Variants in CACNA1C observed in about 807,000 individuals in gnomAD.
CACNA1C encodes voltage-dependent L-type calcium channel subunit alpha-1C.
A neutral mutation model predicts 229.0 loss-of-function variants in CACNA1C; 30 were observed. The ratio of observed to expected loss-of-function variants is 0.13; its 90% CI spans 0.10 to 0.18. CACNA1C has a LOEUF of 0.18. Ranked by LOEUF, CACNA1C falls within the 10% of genes least tolerant of loss-of-function variation. The pLI, the probability that CACNA1C is intolerant of heterozygous loss-of-function variation, is 1.00. For missense variants in CACNA1C, 1,658 were observed against 2,845.0 expected (o/e 0.58, Z 9.49); for synonymous variants, 1,114 against 1,132.5 (o/e 0.98, Z 0.33).
At chr12:2,615,883 G>T (rs189241873) in intron 29 of CACNA1C, among the ~76,000 whole-genome samples, 10 of 152,344 alleles carry the variant, frequency 6.6e-5, no homozygotes, top group African/African-American at 2.4e-4. Context: ...CTCCTCCTCA[G>T]TGGAATGTGG....
intron 3 of CACNA1C, among the ~76,000 whole-genome samples, chr12:2,242,557 A>T (rs1182184767): frequency 2.6e-5 from 4 of 152,200 alleles, no homozygotes; most frequent in Non-Finnish European, 5.9e-5. Flanking sequence ...GACTCAAAAA[A>T]ATTTATTCTT....
chr12:2,489,024 T>C (rs1224338376), intron 6 of CACNA1C, among the ~76,000 whole-genome samples: 1 of 152,210 alleles, frequency 6.6e-6, no homozygotes, highest in Non-Finnish European at 1.5e-5. Context: ...GAAGACCAAA[T>C]ACTTGCAGGC....
intron 3 of CACNA1C, among the ~76,000 whole-genome samples, chr12:2,294,014 G>A (rs890573667): frequency 6.6e-6 from 1 of 152,086 alleles, no homozygotes; most frequent in Non-Finnish European, 1.5e-5. Context: ...CTAATAATAT[G>A]CACCAGCCAC....
At chr12:2,271,817 GC>G (rs2085136196) in intron 3 of CACNA1C, among the ~76,000 whole-genome samples, 1 of 151,996 alleles carries the variant, frequency 6.6e-6, no homozygotes, top group African/African-American at 2.4e-5. Flanking sequence ...GATTGCCTGG[GC>G]CCAGGAGTTT....
chr12:2,251,301 A>T (rs2075515906), intron 3 of CACNA1C, among the ~76,000 whole-genome samples: 1 of 152,186 alleles, frequency 6.6e-6, no homozygotes, highest in South Asian at 2.1e-4. Flanking sequence ...GATCGTGACC[A>T]TCATGAGGGC....
chr12:2,666,570 C>T lies in CACNA1C; in HGVS notation c.4527-116C>T, dbSNP rs1255171816. On this transcript the variant is annotated intron_variant, in intron 36 of 46. Coordinates refer to ENST00000399655, the MANE Select transcript of CACNA1C (RefSeq NM_000719.7). This position sits in a 1 kb window ranked among gnomAD's most constrained non-coding sequence, Gnocchi z 5.3. ...CTGAGTGTGACTAATAGGGCTACCA[C>T]ACTGTGCAGTGTTGCCCATATGAGT... is the stretch of plus-strand genomic sequence containing the variant. The T allele has an allele frequency of 6.0e-5, 38 of 630,846 alleles. No homozygotes were observed. The highest frequency in any genetic ancestry group is 3.6e-4 in the East Asian group (13 of 36,350). The allele number at this position is 630,846 out of a possible 1,614,324, so 39.1% of individuals were successfully genotyped here.
At position 2,504,749 on chromosome 12, in the gene CACNA1C, G is replaced by A. The variant is rs544134810; in HGVS notation, c.1114-93G>A. On this transcript the variant is annotated intron_variant, in intron 7 of 46. Transcript: ENST00000399655. The surrounding 1 kb of genome is among the most constrained non-coding windows in gnomAD (Gnocchi z 6.8). ...ACCTAGAGGGTCCCCGGATCCTGGC[G>A]CTGCGTGGGTCAGTGTCTCGGGAGC... is the stretch of plus-strand genomic sequence containing the variant. 68 of 831,038 alleles carry A rather than the reference G, an allele frequency of 8.2e-5. 1 individual carries two copies. The highest frequency in any genetic ancestry group is 5.8e-4 in the South Asian group (41 of 70,210). The allele number at this position is 831,038 out of a possible 1,614,324, so 51.5% of individuals were successfully genotyped here.
Position 2,691,088 on chromosome 12 carries a change from C to G in CACNA1C, c.6306C>G (p.Asp2102Glu). 4 of 1,612,424 alleles carry G rather than the reference C, an allele frequency of 2.5e-6. No homozygotes were observed. The South Asian group carries it at 3.3e-5, about 13-fold the overall frequency. The change falls in exon 47 of 47, where the codon GAC becomes GAG. Residue 2102 changes from aspartate to glutamate, a missense_variant. By Grantham distance (45) the Asp-to-Glu change is conservative. Coordinates refer to ENST00000399655, the MANE Select transcript of CACNA1C (RefSeq NM_000719.7). ...GALLPFVNCR[D>E]AGQDRAGGEE... ...TCTTACCCTTTGTGAACTGCAGGGA[C>G]GCGGGGCAGGACCGAGCCGGGGGCG...
intron 3 of CACNA1C, among the ~76,000 whole-genome samples, chr12:2,309,905 G>A (rs762734534): frequency 3.3e-5 from 5 of 152,160 alleles, no homozygotes; most frequent in Non-Finnish European, 5.9e-5. Context: ...CCGGGGAACT[G>A]CATGAGTTTC....
intron 4 of CACNA1C, among the ~76,000 whole-genome samples, chr12:2,454,165 T>C (rs1299752506): frequency 6.6e-6 from 1 of 152,184 alleles, no homozygotes; most frequent in Non-Finnish European, 1.5e-5. Context: ...TCACCCCTCC[T>C]TGTGCCTTGA....
At chr12:2,440,133 A>G (rs1423192899) in intron 3 of CACNA1C, among the ~76,000 whole-genome samples, 2 of 152,200 alleles carry the variant, frequency 1.3e-5, no homozygotes, top group Admixed American at 6.5e-5. Context: ...TAAAATATAT[A>G]TAACACAATT....
chr12:2,464,578 T>C (rs2099537443), intron 5 of CACNA1C, among the ~76,000 whole-genome samples: 1 of 152,272 alleles, frequency 6.6e-6, no homozygotes, highest in Non-Finnish European at 1.5e-5. Context: ...TTAATCCTGG[T>C]TAATGTGATT....
intron 3 of CACNA1C, among the ~76,000 whole-genome samples, chr12:2,248,506 G>A (rs1227636548): frequency 6.6e-6 from 1 of 152,206 alleles, no homozygotes; most frequent in African/African-American, 2.4e-5. Context: ...GTAGAAACTG[G>A]CAGATGCTCT....
At chr12:2,025,886 G>A (rs2047237371) in intron 1 of CACNA1C, among the ~76,000 whole-genome samples, 1 of 152,204 alleles carries the variant, frequency 6.6e-6, no homozygotes, top group Admixed American at 6.5e-5. Context: ...TAGGCACAGA[G>A]CAGACAAAGA....
intron 3 of CACNA1C, among the ~76,000 whole-genome samples, chr12:2,278,578 G>C (rs1006488966): frequency 6.6e-6 from 1 of 152,170 alleles, no homozygotes; most frequent in African/African-American, 2.4e-5. Context: ...TGTACTGATA[G>C]CTTATTCCTT....
chr12:2,076,462 G>A (rs2063227344), intron 1 of CACNA1C, among the ~76,000 whole-genome samples: 2 of 152,040 alleles, frequency 1.3e-5, no homozygotes, highest in South Asian at 2.1e-4. Context: ...AGCGGGCCAT[G>A]TTTCTTCTCC....
intron 3 of CACNA1C, among the ~76,000 whole-genome samples, chr12:2,154,241 A>G (rs928503552): frequency 6.6e-5 from 10 of 152,216 alleles, no homozygotes; most frequent in Admixed American, 2.6e-4. Flanking sequence ...GAAATCCTAC[A>G]TCCCACTCCA....
At chr12:2,187,010 GC>G (rs1566232744) in intron 3 of CACNA1C, among the ~76,000 whole-genome samples, 1 of 152,120 alleles carries the variant, frequency 6.6e-6, no homozygotes, top group African/African-American at 2.4e-5. Flanking sequence ...CTGTCCTGCT[GC>G]CCCCTTGCCT....
At chr12:2,153,484 C>T (rs1597453643) in intron 3 of CACNA1C, among the ~76,000 whole-genome samples, 1 of 152,202 alleles carries the variant, frequency 6.6e-6, no homozygotes, top group African/African-American at 2.4e-5. Context: ...TTCCCCCTTC[C>T]CCCAGCCCCT....
Sources: allele counts gnomAD v4.1 joint callset (sites outside exome capture counted in the v4.1 genomes callset), GRCh38; gene constraint gnomAD v4.1.1; non-coding constraint Gnocchi (gnomAD v3.1); transcripts MANE v1.5; gene names NCBI Gene and HGNC (gene_info 2026-07-23, HGNC 2026-07-21).